The following PHGDH variants were observed in gnomAD, a reference collection of about 807,000 sequenced individuals.
PHGDH encodes the protein phosphoglycerate dehydrogenase.
In PHGDH, 50 loss-of-function variants were observed where a neutral mutation model predicts 52.6. That is an observed-to-expected ratio of 0.95 (90% CI 0.76 to 1.20). The LOEUF (loss-of-function observed/expected upper bound fraction) is 1.20. Ranked by LOEUF, PHGDH falls within the 50% of genes most tolerant of loss-of-function variation. The pLI is 0.00. For synonymous variants in PHGDH, 271 were observed against 280.5 expected (o/e 0.97, Z 0.34); for missense variants, 630 against 684.6 (o/e 0.92, Z 0.89).
intron 3 of PHGDH, among the ~76,000 whole-genome samples, chr1:119,725,229 A>G (rs1651353739): frequency 1.3e-5 from 2 of 152,330 alleles, no homozygotes; most frequent in African/African-American, 2.4e-5. Context: ...AGTCCTCTCC[A>G]GTCTGGCCTG....
intron 3 of PHGDH, chr1:119,726,547 C>T (rs1264420152): frequency 1.0e-5 from 5 of 491,640 alleles, no homozygotes; most frequent in Non-Finnish European, 1.5e-5. Flanking sequence ...GGAGGATTGG[C>T]GATCGCTTAA....
At position 119,744,205 on chromosome 1, in the gene PHGDH, C is replaced by CGTAG. The variant is rs140037378; in HGVS notation, c.*165_*166insGTAG. 287 of 700,774 alleles carry CGTAG rather than the reference C, an allele frequency of 4.1e-4. 1 individual carries two copies. In the East Asian group the frequency reaches 5.9e-3, roughly 14 times the overall value. The allele number at this position is 700,774 out of a possible 1,614,324, so 43.4% of individuals were successfully genotyped here. A position where few individuals can be genotyped will look rare whatever the true frequency, so the allele number is the denominator to read the frequency against. On this transcript the variant is annotated 3_prime_UTR_variant, in exon 12 of 12. Transcript: ENST00000641023. ...ACAGCAATAACCGTCTAATAAAGAGCCTACCCCCAACTCCTTCTGCACTTT... is the reference window on the plus strand; with the variant it reads ...ACAGCAATAACCGTCTAATAAAGAGCGTAGCTACCCCCAACTCCTTCTGCACTTT...
At position 119,737,111 on chromosome 1, in the gene PHGDH, C is replaced by T. The variant is rs772424767; in HGVS notation, c.793-3C>T. The stretch of plus-strand genomic sequence containing the variant: ...CAACTTAGAGGTATCTCTTTCTGGG[C>T]AGGAGCCGCCACGGGACCGGGCCTT... On this transcript the variant is annotated splice_region_variant and splice_polypyrimidine_tract_variant and intron_variant, in intron 7 of 11. Transcript: ENST00000641023. 6.2e-7 allele frequency: 1 copy of T among 1,613,962 alleles called. No homozygotes were observed. The highest frequency in any genetic ancestry group is 1.1e-5 in the South Asian group (1 of 91,076).
intron 1 of PHGDH, among the ~76,000 whole-genome samples, chr1:119,714,048 G>T (rs1650814512): frequency 6.6e-6 from 1 of 152,212 alleles, no homozygotes; most frequent in Non-Finnish European, 1.5e-5. Flanking sequence ...TAACTTGACT[G>T]CTGGGCATTT....
In PHGDH at chr1:119,726,869, G is replaced by A. The variant is rs754365384; in HGVS notation, c.375G>A (p.Thr125=). The A allele has an allele frequency of 2.8e-5, 45 of 1,614,068 alleles. No individual in the cohort carries two copies. Among genetic ancestry groups the A allele is most frequent in the East Asian group, 8.9e-5 (4 of 44,894 alleles). ...MCLARQIPQA[T]ASMKDGKWER... Reference sequence around the variant, plus strand: ...CTTGCAGGCAGATTCCCCAGGCGACGGCTTCGATGAAGGACGGCAAATGGG... The same window carrying A: ...CTTGCAGGCAGATTCCCCAGGCGACAGCTTCGATGAAGGACGGCAAATGGG... The change falls in exon 4 of 12, where the codon ACG becomes ACA. Residue 125 remains threonine, a synonymous_variant. Coordinates refer to ENST00000641023, the MANE Select transcript of PHGDH (RefSeq NM_006623.4).
At chr1:119,726,179 A>AGAGT (rs1480411068) in intron 3 of PHGDH, among the ~76,000 whole-genome samples, 1 of 131,174 alleles carries the variant, frequency 7.6e-6, no homozygotes, top group Non-Finnish European at 1.6e-5. Flanking sequence ...GGCTGTGAAG[A>AGAGT]GTGTGTGTGT....
At chr1:119,739,710 C>T (rs1322546193) in intron 8 of PHGDH, 1 of 152,276 alleles carries the variant, frequency 6.6e-6, no homozygotes, top group Admixed American at 6.5e-5. Flanking sequence ...CATTTTGAAC[C>T]ACAAAATGGA....
At chr1:119,720,647 T>G (rs1557967390) in intron 1 of PHGDH, 2 of 188,706 alleles carry the variant, frequency 1.1e-5, no homozygotes, top group Admixed American at 5.3e-5. Flanking sequence ...GGCCTTGGAT[T>G]TGAACCCAGG....
intron 8 of PHGDH, among the ~76,000 whole-genome samples, chr1:119,738,601 C>A (rs1241715889): frequency 1.3e-5 from 2 of 152,258 alleles, no homozygotes; most frequent in African/African-American, 4.8e-5. Flanking sequence ...TTGAGCTCAT[C>A]ACCATTGCCA....
chr1:119,712,256 C>A, intron 1 of PHGDH, 96 bp downstream of exon 1: 3 of 1,105,398 alleles, frequency 2.7e-6, no homozygotes, highest in Non-Finnish European at 4.1e-6. Flanking sequence ...GCATGCACCC[C>A]GTATCAATTA....
At chr1:119,726,767 G>A in intron 3 of PHGDH, 84 bp from the exon 4 acceptor site, 1 of 1,083,306 alleles carries the variant, frequency 9.2e-7, no homozygotes, top group Non-Finnish European at 1.4e-6. Context: ...CATGGGCAGT[G>A]ACTGTGCAAA....
intron 5 of PHGDH, chr1:119,730,046 C>T (rs369708821): frequency 6.6e-6 from 1 of 152,196 alleles, no homozygotes. Flanking sequence ...TCTAAGTGGC[C>T]TCTTCTCGTG....
At chr1:119,719,103 ATAT>A (rs1651043493) in intron 1 of PHGDH, among the ~76,000 whole-genome samples, 1 of 152,142 alleles carries the variant, frequency 6.6e-6, no homozygotes, top group African/African-American at 2.4e-5. Flanking sequence ...GGCTTGGCTG[ATAT>A]TTAACTAGGC....
chr1:119,743,156 T>C (rs902722311), intron 11 of PHGDH, 112 bp downstream of exon 11: 2 of 797,302 alleles, frequency 2.5e-6, no homozygotes, highest in African/African-American at 3.4e-5. Flanking sequence ...CCAGGGTGTC[T>C]CTGGATCTGC....
At chr1:119,726,686 G>A in intron 3 of PHGDH, 165 bp from the exon 4 acceptor site, 1 of 690,372 alleles carries the variant, frequency 1.4e-6, no homozygotes, top group Non-Finnish European at 2.7e-6. Context: ...TCTCTCTTCT[G>A]TTTTCCCTTT....
At chr1:119,721,479 G>T (rs1299189876) in intron 2 of PHGDH, 158 bp downstream of exon 2, 7 of 674,352 alleles carry the variant, frequency 1.0e-5, no homozygotes. Flanking sequence ...AACACACACA[G>T]CATAGTGGTT....
intron 10 of PHGDH, 177 bp downstream of exon 10, chr1:119,742,074 C>T (rs183733329): frequency 3.0e-5 from 19 of 643,730 alleles, no homozygotes; most frequent in African/African-American, 2.0e-4. Context: ...TGCCTGGCCC[C>T]GAGTGTTGCT....
At chr1:119,733,036 C>G (rs1409823921) in intron 5 of PHGDH, among the ~76,000 whole-genome samples, 1 of 152,238 alleles carries the variant, frequency 6.6e-6, no homozygotes. Context: ...GATCCCATCT[C>G]CTCGCCTGGA....
At chr1:119,742,409 T>G (rs1413135792) in intron 10 of PHGDH, 1 of 397,070 alleles carries the variant, frequency 2.5e-6, no homozygotes, top group East Asian at 5.7e-5. Flanking sequence ...GCAGTAGAGC[T>G]GCCATGTCCT....
Sources: allele counts gnomAD v4.1 joint callset (sites outside exome capture counted in the v4.1 genomes callset), GRCh38; gene constraint gnomAD v4.1.1; transcripts MANE v1.5; gene names NCBI Gene and HGNC (gene_info 2026-07-23, HGNC 2026-07-21).